The following UNC13C variants were observed in gnomAD, a reference collection of about 807,000 sequenced individuals.
UNC13C encodes the protein protein unc-13 homolog C.
In UNC13C, 174 loss-of-function variants were observed where a neutral mutation model predicts 245.4. The observed-to-expected ratio is 0.71, with a 90% CI of 0.63 to 0.80. UNC13C has a LOEUF of 0.80. Ranked by LOEUF, UNC13C falls within the 30% of genes least tolerant of loss-of-function variation. The pLI is 0.00. For missense variants in UNC13C, 2,829 were observed against 2,602.9 expected (o/e 1.09, Z -1.89); for synonymous variants, 992 against 895.1 (o/e 1.11, Z -1.93).
chr15:54,608,932 A>C (rs1231361330), intron 30 of UNC13C, among the ~76,000 whole-genome samples: 1 of 152,178 alleles, frequency 6.6e-6, no homozygotes, highest in Admixed American at 6.6e-5. Flanking sequence ...TCTGTAGGAT[A>C]GTTAAATTTG....
chr15:53,985,625 A>G (rs1490479168), intron 1 of UNC13C, among the ~76,000 whole-genome samples: 2 of 152,000 alleles, frequency 1.3e-5, no homozygotes, highest in East Asian at 1.9e-4. Flanking sequence ...TCTAGTGTAC[A>G]TGTAGCTCAT....
At chr15:54,538,977 A>G (rs1454695343) in intron 26 of UNC13C, among the ~76,000 whole-genome samples, 1 of 152,036 alleles carries the variant, frequency 6.6e-6, no homozygotes, top group Non-Finnish European at 1.5e-5. Context: ...AAATTTGCAC[A>G]CGTGCCTTCT....
chr15:54,227,522 G>T (rs186682352), intron 4 of UNC13C, among the ~76,000 whole-genome samples: 291 of 152,272 alleles, frequency 1.9e-3, no homozygotes, highest in African/African-American at 6.7e-3. Flanking sequence ...TGAGCTCTTT[G>T]GTGCCTAAAT....
At chr15:54,468,843 T>C (rs1172975166) in intron 19 of UNC13C, among the ~76,000 whole-genome samples, 1 of 151,696 alleles carries the variant, frequency 6.6e-6, no homozygotes, top group African/African-American at 2.4e-5. Context: ...ACTTGGTTTA[T>C]TATAGCTTTG....
intron 17 of UNC13C, among the ~76,000 whole-genome samples, chr15:54,375,502 T>C (rs2039586033): frequency 6.6e-6 from 1 of 152,190 alleles, no homozygotes. Flanking sequence ...AATTCACATT[T>C]AGATTATTTT....
chr15:54,406,871 G>C (rs1189355238), intron 18 of UNC13C, among the ~76,000 whole-genome samples: 4 of 152,154 alleles, frequency 2.6e-5, no homozygotes, highest in Admixed American at 2.6e-4. Context: ...TCCAGGGAGA[G>C]AGAGAGGTTA....
chr15:54,542,294 T>C (rs1566897925), intron 26 of UNC13C, among the ~76,000 whole-genome samples: 1 of 152,162 alleles, frequency 6.6e-6, no homozygotes, highest in Non-Finnish European at 1.5e-5. Context: ...TCAGCTTCCA[T>C]GTAGTCATGC....
At chr15:54,548,765 C>A (rs1279703979) in intron 27 of UNC13C, among the ~76,000 whole-genome samples, 1 of 152,062 alleles carries the variant, frequency 6.6e-6, no homozygotes, top group Non-Finnish European at 1.5e-5. Context: ...CTTACCATCA[C>A]CTAAAATTTC....
chr15:54,200,548 T>G (rs1368137129), intron 4 of UNC13C, among the ~76,000 whole-genome samples: 5 of 151,940 alleles, frequency 3.3e-5, no homozygotes, highest in Non-Finnish European at 5.9e-5. Flanking sequence ...TACGTGGAAA[T>G]GAAATAACCT....
At chr15:54,511,607 T>A in intron 23 of UNC13C, 146 bp from the exon 24 acceptor site, 4 of 595,010 alleles carry the variant, frequency 6.7e-6, no homozygotes, top group Non-Finnish European at 1.2e-5. Context: ...TGTTACAAAC[T>A]ATAATGTTGA....
At chr15:54,420,353 T>C (rs1275687666) in intron 19 of UNC13C, among the ~76,000 whole-genome samples, 1 of 151,874 alleles carries the variant, frequency 6.6e-6, no homozygotes, top group African/African-American at 2.4e-5. Flanking sequence ...TCCTTGACCA[T>C]CTCCAAGATA....
At chr15:53,871,264 T>A in the UNC13C span, among the ~76,000 whole-genome samples, 1 of 152,200 alleles carries the variant, frequency 6.6e-6, no homozygotes, top group Non-Finnish European at 1.5e-5. Flanking sequence ...TCATTGACCT[T>A]CCACACTTAT....
At chr15:54,314,596 T>C (rs570367303) in intron 13 of UNC13C, among the ~76,000 whole-genome samples, 1 of 151,694 alleles carries the variant, frequency 6.6e-6, no homozygotes, top group Non-Finnish European at 1.5e-5. Flanking sequence ...AAAAAAGAAT[T>C]AGAAAAGGAA....
At chr15:53,915,366 G>T in the UNC13C span, among the ~76,000 whole-genome samples, 4 of 152,138 alleles carry the variant, frequency 2.6e-5, no homozygotes, top group Non-Finnish European at 4.4e-5. Context: ...ACAAATAAAA[G>T]GGCAATATAA....
At chr15:54,465,206 T>C (rs1430546043) in intron 19 of UNC13C, among the ~76,000 whole-genome samples, 1 of 152,118 alleles carries the variant, frequency 6.6e-6, no homozygotes. Flanking sequence ...AGATTTCAAA[T>C]GAACTGTGCT....
chr15:54,418,938 G>T (rs1201655706), intron 19 of UNC13C, among the ~76,000 whole-genome samples: 2 of 151,964 alleles, frequency 1.3e-5, no homozygotes, highest in South Asian at 2.1e-4. Flanking sequence ...TCCTCCACTG[G>T]CAGTTCCCTT....
At chr15:54,573,978 T>C (rs1897859247) in intron 30 of UNC13C, among the ~76,000 whole-genome samples, 1 of 152,144 alleles carries the variant, frequency 6.6e-6, no homozygotes, top group South Asian at 2.1e-4. Context: ...GAAGAAGAAA[T>C]GTATTCTGGA....
At position 54,400,721 on chromosome 15, in the gene UNC13C, A is replaced by G. The variant is rs144376095; in HGVS notation, c.4847+7540A>G. ...ATTTATGATCACTTCAGAATTCGCT[A>G]TTTTATTAGGGATGACAAAACGGTG... On this transcript the variant is annotated intron_variant, in intron 18 of 32. Transcript: ENST00000260323. Among the ~76,000 whole-genome samples, 12 of 152,176 alleles carry G rather than the reference A, an allele frequency of 7.9e-5. No homozygotes were observed. The East Asian group carries it at 2.3e-3, about 29-fold the overall frequency.
intron 24 of UNC13C, among the ~76,000 whole-genome samples, chr15:54,517,767 T>C (rs1435486290): frequency 6.6e-6 from 1 of 152,076 alleles, no homozygotes; most frequent in Non-Finnish European, 1.5e-5. Context: ...CTCAAAGAAC[T>C]TAGAAGTTTT....
Sources: allele counts gnomAD v4.1 joint callset (sites outside exome capture counted in the v4.1 genomes callset), GRCh38; gene constraint gnomAD v4.1.1; transcripts MANE v1.5; gene names NCBI Gene and HGNC (gene_info 2026-07-23, HGNC 2026-07-21).